CKAP2: variants seen among roughly 807,000 people sequenced by gnomAD.
The protein encoded by CKAP2 is cytoskeleton-associated protein 2.
Under a neutral mutation model 58.4 loss-of-function variants are expected in CKAP2, and 46 were observed. That is an observed-to-expected ratio of 0.79 (90% CI 0.62 to 1.01). CKAP2 has a LOEUF of 1.01. Among genes scored for constraint, CKAP2 ranks in the 50% least tolerant of loss-of-function variants. The pLI is 0.00. For synonymous variants in CKAP2, 293 were observed against 280.9 expected, an observed-to-expected ratio of 1.04 and a Z score of -0.43; for missense variants, 809 against 796.4, an observed-to-expected ratio of 1.02 and a Z score of -0.19.
At chr13:52,462,621 G>A (rs1958604438) in intron 5 of CKAP2, 54 bp downstream of exon 5, 1 of 1,369,828 alleles carries the variant, frequency 7.3e-7, no homozygotes, top group Non-Finnish European at 1.0e-6. Flanking sequence ...ACCTTCATAA[G>A]CATTATTTCA....
At position 52,475,798 on chromosome 13, in the gene CKAP2, CCA is replaced by C. The variant is rs1440596918; in HGVS notation, c.*658_*659del. On this transcript the variant is annotated 3_prime_UTR_variant, in exon 9 of 9. Transcript: ENST00000258607. ...CCTCTTTTGATTATAACTGGGGTCA[CCA>C]AGAAGGTTTACTTAATTAAATACCG... 2 of 152,064 alleles carry C rather than the reference CCA, an allele frequency of 1.3e-5. No homozygotes were observed. Among genetic ancestry groups the C allele is most frequent in the East Asian group, 3.9e-4 (2 of 5,186 alleles). 9.4% of individuals were successfully genotyped at this position (152,064 alleles called of 1,614,324 possible).
intron 2 of CKAP2, 120 bp from the exon 3 acceptor site, chr13:52,460,777 CTT>C: frequency 2.6e-6 from 2 of 777,734 alleles, no homozygotes; most frequent in Non-Finnish European, 3.6e-6. Flanking sequence ...CAACTCAGGT[CTT>C]TTTTAAATTT....
intron 1 of CKAP2, chr13:52,456,033 G>T (rs1379473847): frequency 9.6e-7 from 1 of 1,041,962 alleles, no homozygotes; most frequent in South Asian, 4.4e-5. Context: ...GGCTGGGGTC[G>T]CATCATGTGT....
At position 52,467,402 on chromosome 13, in the gene CKAP2, A is replaced by T. The variant is rs116514924; in HGVS notation, c.1477-876A>T. The stretch of plus-strand genomic sequence containing the variant: ...AGAAAAGGAGCAAGACTTAAGTAAA[A>T]TTATGGAGGAAGTTTTAAAATATGA... On this transcript the variant is annotated intron_variant, in intron 6 of 8. Transcript: ENST00000258607. Among the ~76,000 whole-genome samples, 1,126 of 152,312 alleles carry T rather than the reference A, an allele frequency of 7.4e-3. 6 individuals are homozygous for T. Among genetic ancestry groups the T allele is most frequent in the African/African-American group, 0.017 (702 of 41,560 alleles).
intron 7 of CKAP2, 44 bp from the exon 8 acceptor site, chr13:52,473,785 T>C: frequency 6.5e-7 from 1 of 1,538,136 alleles, no homozygotes; most frequent in Non-Finnish European, 8.7e-7. Context: ...ATTTTGTTCT[T>C]AAAATTCAGC....
At position 52,461,633 on chromosome 13, in the gene CKAP2, A is replaced by G; in HGVS notation, c.807A>G (p.Gln269=). The G allele has an allele frequency of 2.5e-6, 4 of 1,614,178 alleles. No homozygotes were observed. Among genetic ancestry groups the G allele is most frequent in the Non-Finnish European group, 3.4e-6 (4 of 1,180,000 alleles). ...HHSNTRDTVK[Q]GISRTSANVT... is the part of the protein sequence containing the mutation. ...GTAATACCCGGGACACTGTGAAACA[A>G]GGCATCAGTAGAACTTCTGCCAATG... The change falls in exon 4 of 9, where the codon CAA becomes CAG. Residue 269 remains glutamine (Q), a synonymous_variant. Coordinates refer to ENST00000258607, the MANE Select transcript of CKAP2 (RefSeq NM_018204.5).
At position 52,461,628 on chromosome 13, in the gene CKAP2, A is replaced by G. The variant is rs768920061; in HGVS notation, c.802A>G (p.Lys268Glu). 6.2e-7 allele frequency: 1 copy of G among 1,614,184 alleles called. No individual in the cohort carries two copies. Among genetic ancestry groups the G allele is most frequent in the Non-Finnish European group, 8.5e-7 (1 of 1,180,020 alleles). Reference protein sequence around the residue: ...SHHSNTRDTVKQGISRTSANV... With the variant: ...SHHSNTRDTVEQGISRTSANV... ...TCACAGTAATACCCGGGACACTGTG[A>G]AACAAGGCATCAGTAGAACTTCTGC... is the stretch of plus-strand genomic sequence containing the variant. The change falls in exon 4 of 9, where the codon AAA (lysine) becomes GAA (glutamate). Residue 268 changes from lysine to glutamate, a missense_variant. Lys to Glu is a moderately conservative substitution (Grantham distance 56). Coordinates refer to ENST00000258607, the MANE Select transcript of CKAP2 (RefSeq NM_018204.5).
rs753167885 is a variant in CKAP2 at position 52,460,958 on chromosome 13, A to T, written c.215A>T (p.Lys72Ile). The T allele has an allele frequency of 6.2e-7, 1 of 1,613,430 alleles. No individual in the cohort carries two copies. The highest frequency in any genetic ancestry group is 1.3e-5 in the African/African-American group (1 of 74,748). ...GTTCAAGAAGGGACTAAAGTGCTGAAACTTAAAACAAAAATGGTAAGATGT... is the reference window on the plus strand; with the variant it reads ...GTTCAAGAAGGGACTAAAGTGCTGATACTTAAAACAAAAATGGTAAGATGT... ...DQVQEGTKVLKLKTKMADKEN... is the reference protein window; with the variant it reads ...DQVQEGTKVLILKTKMADKEN... Residue 72 changes from lysine (K) to isoleucine (I), a missense_variant, in exon 3 of 9, where the codon AAA (lysine) becomes ATA (isoleucine). Around this residue, in one of 3 missense-constraint regions of CKAP2, gnomAD observed 523 missense variants for 492.4 expected, o/e 1.06. Coordinates refer to ENST00000258607, the MANE Select transcript of CKAP2 (RefSeq NM_018204.5).
At chr13:52,466,454 C>T (rs1566102500) in intron 6 of CKAP2, among the ~76,000 whole-genome samples, 1 of 152,188 alleles carries the variant, frequency 6.6e-6, no homozygotes, top group East Asian at 1.9e-4. Context: ...CTGTCAGTGG[C>T]TGTCATGTGT....
At chr13:52,464,194 A>G (rs1958627546) in intron 5 of CKAP2, among the ~76,000 whole-genome samples, 1 of 152,196 alleles carries the variant, frequency 6.6e-6, no homozygotes, top group South Asian at 2.1e-4. Context: ...AAAGACTAGC[A>G]ACACAAATAC....
Position 52,456,512 on chromosome 13 carries a change from T to C in CKAP2, c.71-11T>C. The C allele has an allele frequency of 6.3e-7, 1 of 1,597,420 alleles. No homozygotes were observed. Among genetic ancestry groups the C allele is most frequent in the East Asian group, 2.2e-5 (1 of 44,770 alleles). On this transcript the variant is annotated splice_polypyrimidine_tract_variant and intron_variant, in intron 1 of 8. Coordinates refer to ENST00000258607, the MANE Select transcript of CKAP2 (RefSeq NM_018204.5). ...TAATATTGACTTGTAGCTCTTACCT[T>C]TGTTATCTAGAGCAAAGAAGACAAA...
At position 52,461,825 on chromosome 13, in the gene CKAP2, G is replaced by A. The variant is rs3809374; in HGVS notation, c.999G>A (p.Leu333=). The A allele has an allele frequency of 1.0e-3, 1,607 of 1,614,064 alleles. 21 individuals carry two copies. The East Asian group carries it at 0.03, about 30-fold the overall frequency. The change falls in exon 4 of 9, where the codon CTG becomes CTA. Residue 333 remains leucine (L), a synonymous_variant. Coordinates refer to ENST00000258607, the MANE Select transcript of CKAP2 (RefSeq NM_018204.5). ...ARPASLSNDK[L]MEKSEPVDQR... The stretch of plus-strand genomic sequence containing the variant: ...CTGCTTCATTGTCTAATGATAAACT[G>A]ATGGAAAAGTCAGAGCCCGTTGACC...
intron 1 of CKAP2, chr13:52,455,984 G>C: frequency 9.2e-7 from 1 of 1,088,612 alleles, no homozygotes; most frequent in Non-Finnish European, 1.1e-6. Flanking sequence ...CGCCTGCGCT[G>C]GGTCCTCCGC....
At chr13:52,462,224 T>C (rs962124233) in intron 4 of CKAP2, 139 bp from the exon 5 acceptor site, 14 of 721,118 alleles carry the variant, frequency 1.9e-5, no homozygotes, top group African/African-American at 3.6e-5. Flanking sequence ...GTTGATATGT[T>C]TAATATTTCT....
rs749732460 is a variant in CKAP2, at chr13:52,461,300, GACTA to G, written c.475_478del (p.Thr159GlnfsTer61). 8.1e-6 allele frequency: 13 copies of G among 1,613,772 alleles called. No homozygotes were observed. ...AAAACAATAGTAAAAAGAAACAAAT[GACTA>G]CAGAAAAACAAAAGCAAGATGCTAA... On this transcript the variant is annotated frameshift_variant, in exon 4 of 9. Coordinates refer to ENST00000258607, the MANE Select transcript of CKAP2 (RefSeq NM_018204.5). LOFTEE classifies it high-confidence loss of function.
intron 5 of CKAP2, among the ~76,000 whole-genome samples, chr13:52,464,813 A>G (rs1958640827): frequency 6.6e-6 from 1 of 152,200 alleles, no homozygotes; most frequent in Admixed American, 6.5e-5. Flanking sequence ...CTTCATGAGC[A>G]TCTTTTAACT....
chr13:52,473,466 A>C (rs1172029877), intron 7 of CKAP2: 1 of 178,754 alleles, frequency 5.6e-6, no homozygotes, highest in East Asian at 1.4e-4. Context: ...ATTTTCTTTT[A>C]TGTGCCATAT....
At position 52,475,854 on chromosome 13, in the gene CKAP2, G is replaced by C. The variant is rs184535702; in HGVS notation, c.*713G>C. The C allele has an allele frequency of 6.6e-6, 1 of 152,200 alleles. No homozygotes were observed. Among genetic ancestry groups the C allele is most frequent in the Non-Finnish European group, 1.5e-5 (1 of 68,032 alleles). 9.4% of individuals were successfully genotyped at this position (152,200 alleles called of 1,614,324 possible). On this transcript the variant is annotated 3_prime_UTR_variant, in exon 9 of 9. Transcript: ENST00000258607. ...TTCTAAGAGAAGATACTTTGTGTAAGAAAAGATGCCACATTTAGTGGTTTA... is the reference window on the plus strand; with the variant it reads ...TTCTAAGAGAAGATACTTTGTGTAACAAAAGATGCCACATTTAGTGGTTTA...
At chr13:52,474,784 G>T in intron 8 of CKAP2, 111 bp from the exon 9 acceptor site, 1 of 1,044,376 alleles carries the variant, frequency 9.6e-7, no homozygotes, top group Non-Finnish European at 1.4e-6. Context: ...ACAATTAAAT[G>T]CTTTTACCTG....
Sources: allele counts gnomAD v4.1 joint callset (sites outside exome capture counted in the v4.1 genomes callset), GRCh38; gene constraint gnomAD v4.1.1; regional missense constraint gnomAD v4.1.1; transcripts MANE v1.5; gene names NCBI Gene and HGNC (gene_info 2026-07-23, HGNC 2026-07-21).